The following STK32A variants were observed in gnomAD, a reference collection of about 807,000 sequenced individuals.
The protein encoded by STK32A is serine/threonine kinase 32A.
A neutral mutation model predicts 53.2 loss-of-function variants in STK32A; 41 were observed. The observed-to-expected ratio is 0.77, with a 90% CI of 0.60 to 1.00. STK32A has a LOEUF of 1.00. Among genes scored for constraint, STK32A ranks in the 50% least tolerant of loss-of-function variants. STK32A has a pLI of 0.00. For synonymous variants in STK32A, 166 were observed against 162.8 expected (o/e 1.02, Z -0.15); for missense variants, 458 against 485.8 (o/e 0.94, Z 0.54).
At chr5:147,365,211 A>G (rs1756688060) in intron 8 of STK32A, among the ~76,000 whole-genome samples, 3 of 152,156 alleles carry the variant, frequency 2.0e-5, no homozygotes, top group African/African-American at 7.2e-5. Context: ...CAATGGCTTT[A>G]TCTTGCTCAG....
chr5:147,345,145 T>C (rs1246321340), intron 6 of STK32A, among the ~76,000 whole-genome samples: 2 of 152,214 alleles, frequency 1.3e-5, no homozygotes, highest in East Asian at 3.9e-4. Context: ...AAAACACACT[T>C]CACTCATTTC....
At chr5:147,311,910 G>A (rs1387443682) in intron 4 of STK32A, among the ~76,000 whole-genome samples, 1 of 151,946 alleles carries the variant, frequency 6.6e-6, no homozygotes, top group African/African-American at 2.4e-5. Flanking sequence ...GAAGCATTCT[G>A]TAATGGAGAA....
At chr5:147,351,228 G>A in intron 7 of STK32A, 74 bp downstream of exon 7, 2 of 1,304,510 alleles carry the variant, frequency 1.5e-6, no homozygotes, top group Non-Finnish European at 2.2e-6. Context: ...TCATCTGTGG[G>A]GATTTGCAGC....
In STK32A at chr5:147,275,274, T is replaced by G. The variant is rs946504644; in HGVS notation, c.53-2850T>G. 3.3e-5 allele frequency among the ~76,000 whole-genome samples: 5 copies of G among 152,204 alleles called. No individual in the cohort carries two copies. The East Asian group carries it at 9.6e-4, about 29-fold the overall frequency. ...TAGTCTTCCTGCTAACTAGTGATTCTTTTGTTGAACATTTAAAAAGGGACT... is the reference window on the plus strand; with the variant it reads ...TAGTCTTCCTGCTAACTAGTGATTCGTTTGTTGAACATTTAAAAAGGGACT... On this transcript the variant is annotated intron_variant, in intron 2 of 12. Coordinates refer to ENST00000397936, the MANE Select transcript of STK32A (RefSeq NM_001112724.2).
At chr5:147,324,648 TAAAGA>T (rs985359542) in intron 5 of STK32A, among the ~76,000 whole-genome samples, 53 of 152,160 alleles carry the variant, frequency 3.5e-4, no homozygotes, top group African/African-American at 1.3e-3. Context: ...TACTTTATAG[TAAAGA>T]AATTTGTAGT....
At chr5:147,354,542 T>C (rs1167025319) in intron 7 of STK32A, among the ~76,000 whole-genome samples, 1 of 152,236 alleles carries the variant, frequency 6.6e-6, no homozygotes, top group Non-Finnish European at 1.5e-5. Flanking sequence ...CTTTTACCCT[T>C]GTAATTAACA....
intron 11 of STK32A, 120 bp downstream of exon 11, chr5:147,375,338 A>G: frequency 7.6e-7 from 1 of 1,311,494 alleles, no homozygotes; most frequent in Non-Finnish European, 1.0e-6. Flanking sequence ...GTGAAATAGG[A>G]GAAGTAGATC....
In STK32A at chr5:147,286,258, C is replaced by T. The variant is rs189209511; in HGVS notation, c.260+6860C>T. Among the ~76,000 whole-genome samples the T allele has an allele frequency of 1.6e-3, 243 of 151,336 alleles. 1 individual carries two copies. Among genetic ancestry groups the T allele is most frequent in the African/African-American group, 5.8e-3 (238 of 41,174 alleles). On this transcript the variant is annotated intron_variant, in intron 4 of 12. Coordinates refer to ENST00000397936, the MANE Select transcript of STK32A (RefSeq NM_001112724.2). ...AAAGCAATGAGAATGATACAATGGA[C>T]TTTGGAGACTTAGGGGGAAGAGTGG...
chr5:147,305,270 G>A (rs1753347129), intron 4 of STK32A, among the ~76,000 whole-genome samples: 1 of 152,060 alleles, frequency 6.6e-6, no homozygotes, highest in Non-Finnish European at 1.5e-5. Flanking sequence ...AAAGCGAGAG[G>A]GAGTCTTGCC....
At position 147,370,764 on chromosome 5, in the gene STK32A, T is replaced by C. The variant is rs1756974568; in HGVS notation, c.771T>C (p.Leu257=). 2 of 1,604,500 alleles carry C rather than the reference T, an allele frequency of 1.2e-6. No individual in the cohort carries two copies. The part of the protein sequence containing the change: ...SAWSQEMVSL[L]KKLLEPNPDQ... ...GGTCACAGGAAATGGTGTCACTTCT[T>C]AAAAAGGTAAGAAGGAAGACTGCAT... The change falls in exon 9 of 13, where the codon CTT becomes CTC. Residue 257 remains leucine, a synonymous_variant. Coordinates refer to ENST00000397936, the MANE Select transcript of STK32A (RefSeq NM_001112724.2).
chr5:147,252,918 T>C (rs1457393645), intron 2 of STK32A, among the ~76,000 whole-genome samples: 1 of 152,352 alleles, frequency 6.6e-6, no homozygotes, highest in East Asian at 1.9e-4. Flanking sequence ...GTTGATTAAG[T>C]GAATGCATTA....
intron 6 of STK32A, among the ~76,000 whole-genome samples, chr5:147,349,609 A>G (rs775928135): frequency 3.3e-5 from 5 of 152,152 alleles, no homozygotes; most frequent in Non-Finnish European, 5.9e-5. Flanking sequence ...ACGTATAAGT[A>G]TTAGACCCAC....
chr5:147,398,749 A>G, the STK32A span, among the ~76,000 whole-genome samples: 1 of 152,190 alleles, frequency 6.6e-6, no homozygotes. Context: ...TGTGAGAGGC[A>G]GTGACGTACA....
intron 4 of STK32A, among the ~76,000 whole-genome samples, chr5:147,293,423 T>C (rs1236920339): frequency 6.9e-6 from 1 of 145,730 alleles, no homozygotes; most frequent in Non-Finnish European, 1.5e-5. Context: ...CAAATAAGCC[T>C]GATCTGCCTC....
rs543097273 is a variant in STK32A, at chr5:147,249,499, T to TG, written c.52+9819dup. ...ATCTCCCTTTTCTTCCCTAGTTTTC[T>TG]GGGGGGTGGGAGGCAGAGACCGAAT... On this transcript the variant is annotated intron_variant, in intron 2 of 12. Transcript: ENST00000397936. Among the ~76,000 whole-genome samples, 197 of 152,224 alleles carry TG rather than the reference T, an allele frequency of 1.3e-3. No individual in the cohort carries two copies. The Middle Eastern group carries it at 0.014, about 11-fold the overall frequency.
chr5:147,367,701 CT>C (rs1266406866), intron 8 of STK32A, among the ~76,000 whole-genome samples: 1 of 152,032 alleles, frequency 6.6e-6, no homozygotes, highest in East Asian at 1.9e-4. Context: ...ATTTTCACTT[CT>C]TTTGTGGTGG....
chr5:147,309,613 G>A (rs1753590261), intron 4 of STK32A, among the ~76,000 whole-genome samples: 2 of 152,258 alleles, frequency 1.3e-5, no homozygotes, highest in South Asian at 4.2e-4. Context: ...AAGCGTAGTT[G>A]TAGAAAGGAA....
At chr5:147,255,923 T>G (rs1409551208) in intron 2 of STK32A, among the ~76,000 whole-genome samples, 2 of 152,252 alleles carry the variant, frequency 1.3e-5, no homozygotes, top group Non-Finnish European at 2.9e-5. Flanking sequence ...TGTGTCTAAA[T>G]AGACGTGAGA....
At chr5:147,269,082 G>C (rs1754924471) in intron 2 of STK32A, among the ~76,000 whole-genome samples, 1 of 152,170 alleles carries the variant, frequency 6.6e-6, no homozygotes, top group Admixed American at 6.6e-5. Context: ...CTTGAGAAAG[G>C]TACTTAATTT....
Sources: allele counts gnomAD v4.1 joint callset (sites outside exome capture counted in the v4.1 genomes callset), GRCh38; gene constraint gnomAD v4.1.1; transcripts MANE v1.5; gene names NCBI Gene and HGNC (gene_info 2026-07-23, HGNC 2026-07-21).